ELOVL6: variants seen among roughly 807,000 people sequenced by gnomAD.
ELOVL6 encodes very long chain fatty acid elongase 6.
In ELOVL6, 8 loss-of-function variants were observed where a neutral mutation model predicts 31.7. The observed-to-expected ratio is 0.25, with a 90% CI of 0.15 to 0.45. The LOEUF is 0.45. ELOVL6 is among the 20% of genes least tolerant of loss of function. The pLI, the probability that ELOVL6 is intolerant of heterozygous loss-of-function variation, is 1.00. For synonymous variants in ELOVL6, 101 were observed against 117.7 expected (o/e 0.86, Z 0.92); for missense variants, 126 against 326.4 (o/e 0.39, Z 4.73).
intron 2 of ELOVL6, among the ~76,000 whole-genome samples, chr4:110,081,342 A>G (rs1002347441): frequency 2.0e-5 from 3 of 152,188 alleles, no homozygotes; most frequent in Non-Finnish European, 4.4e-5. Context: ...ACTTCAAACT[A>G]TACTACAAGG....
At chr4:110,084,584 ATATATTTTTTT>A (rs1359756269) in intron 2 of ELOVL6, among the ~76,000 whole-genome samples, 11 of 54,884 alleles carry the variant, frequency 2.0e-4, no homozygotes, top group African/African-American at 1.4e-3. Flanking sequence ...ATATATATAT[ATATATTTTTTT>A]TTTTTTTTTT....
intron 3 of ELOVL6, among the ~76,000 whole-genome samples, chr4:110,057,230 G>C (rs2126221115): frequency 6.6e-6 from 1 of 152,120 alleles, no homozygotes; most frequent in South Asian, 2.1e-4. Flanking sequence ...AAACACTGAG[G>C]CTGCTTTTTT....
chr4:110,158,657 A>ATATATATATATATATATAT, intron 1 of ELOVL6, among the ~76,000 whole-genome samples: 5 of 74,160 alleles, frequency 6.7e-5, no homozygotes, highest in East Asian at 3.1e-4. Context: ...ATATATATAT[A>ATATATATATATATATATAT]TTTTTTTTTT....
At chr4:110,071,659 C>T (rs760054584) in intron 2 of ELOVL6, among the ~76,000 whole-genome samples, 10 of 152,096 alleles carry the variant, frequency 6.6e-5, no homozygotes, top group Non-Finnish European at 1.2e-4. Flanking sequence ...TTTCCTCCAC[C>T]GCTCCCTCCC....
intron 1 of ELOVL6, among the ~76,000 whole-genome samples, chr4:110,112,238 T>C (rs1439842406): frequency 3.3e-5 from 5 of 152,240 alleles, no homozygotes; most frequent in Non-Finnish European, 7.3e-5. Context: ...AAAAGTTGAA[T>C]TCCTGATCTC....
intron 2 of ELOVL6, among the ~76,000 whole-genome samples, chr4:110,084,197 T>C (rs1756072523): frequency 9.9e-6 from 1 of 100,826 alleles, no homozygotes; most frequent in African/African-American, 4.3e-5. Context: ...ATATAACTTA[T>C]ATGATATATA....
In ELOVL6 at chr4:110,137,949, TG is replaced by T. The variant is rs1428507634; in HGVS notation, c.90-32322del. Among the ~76,000 whole-genome samples, 4 of 152,232 alleles carry T rather than the reference TG, an allele frequency of 2.6e-5. No individual in the cohort carries two copies. In the East Asian group the frequency reaches 5.8e-4, roughly 22 times the overall value. ...TATTGCCTTTTACAGACAAGAAAAC[TG>T]GGGCTCAAAAAAGGACTTGCTTATA... is the stretch of plus-strand genomic sequence containing the variant. On this transcript the variant is annotated intron_variant, in intron 1 of 3. Transcript: ENST00000302274.
intron 1 of ELOVL6, among the ~76,000 whole-genome samples, chr4:110,112,518 G>A (rs1757063737): frequency 6.6e-6 from 1 of 152,170 alleles, no homozygotes. Flanking sequence ...AATCAGTTTT[G>A]AAGTTAGAAC....
chr4:110,198,138 CCGCGATTCATCGCTCCATTCA>C, intron 1 of ELOVL6, 88 bp downstream of exon 1: 2 of 610,862 alleles, frequency 3.3e-6, no homozygotes, highest in Non-Finnish European at 6.1e-6. Flanking sequence ...AGCTGGCTGC[CCGCGATTCATCGCTCCATTCA>C]CGCCCAGGCA....
At chr4:110,104,561 G>A (rs1034023674) in intron 2 of ELOVL6, among the ~76,000 whole-genome samples, 1 of 152,080 alleles carries the variant, frequency 6.6e-6, no homozygotes, top group Non-Finnish European at 1.5e-5. Context: ...ATCCATTTCT[G>A]CTTAGAACAG....
chr4:110,081,595 AGAT>A (rs1755853739), intron 2 of ELOVL6, among the ~76,000 whole-genome samples: 1 of 151,382 alleles, frequency 6.6e-6, no homozygotes, highest in Admixed American at 6.6e-5. Flanking sequence ...AATTAATTCA[AGAT>A]GGATTAAAGA....
At position 110,137,790 on chromosome 4, in the gene ELOVL6, G is replaced by A. The variant is rs527560948; in HGVS notation, c.90-32162C>T. ...TTTTAGAAATAACACAATTGGCTAC[G>A]GAACTCCAGCCATCTAGCTTCATGG... On this transcript the variant is annotated intron_variant, in intron 1 of 3. Coordinates refer to ENST00000302274, the MANE Select transcript of ELOVL6 (RefSeq NM_024090.3). Among the ~76,000 whole-genome samples, 66 of 152,228 alleles carry A rather than the reference G, an allele frequency of 4.3e-4. 1 individual carries two copies. The South Asian group carries it at 9.8e-3, about 22-fold the overall frequency.
intron 2 of ELOVL6, among the ~76,000 whole-genome samples, chr4:110,083,059 T>C (rs1326213778): frequency 6.6e-6 from 1 of 151,746 alleles, no homozygotes; most frequent in Non-Finnish European, 1.5e-5. Flanking sequence ...GTTGTTTCTC[T>C]CTGGGTTTAT....
At chr4:110,056,886 G>A (rs563190484) in intron 3 of ELOVL6, among the ~76,000 whole-genome samples, 1 of 152,246 alleles carries the variant, frequency 6.6e-6, no homozygotes, top group South Asian at 2.1e-4. Context: ...TGAGGGGAAT[G>A]GACATTTGGG....
intron 1 of ELOVL6, among the ~76,000 whole-genome samples, chr4:110,110,236 T>A (rs781073063): frequency 6.6e-6 from 1 of 152,100 alleles, no homozygotes; most frequent in East Asian, 1.9e-4. Context: ...TTAATGTATG[T>A]CTATGGTGGT....
At chr4:110,106,549 G>C (rs902759681) in intron 1 of ELOVL6, among the ~76,000 whole-genome samples, 54 of 152,240 alleles carry the variant, frequency 3.5e-4, no homozygotes, top group Non-Finnish European at 6.6e-4. Context: ...GGTGTTGGTG[G>C]GAGTGTCTTT....
In ELOVL6 at chr4:110,141,760, A is replaced by ATTGTG. The variant is rs755678036; in HGVS notation, c.90-36133_90-36132insCACAA. ...ATTGTATTTATATATATAGTATTGT[A>ATTGTG]TTAGTATATATATACAGTATATATG... On this transcript the variant is annotated intron_variant, in intron 1 of 3. Coordinates refer to ENST00000302274, the MANE Select transcript of ELOVL6 (RefSeq NM_024090.3). Among the ~76,000 whole-genome samples the ATTGTG allele has an allele frequency of 2.2e-3, 324 of 146,500 alleles. 1 individual carries two copies. The highest frequency in any genetic ancestry group is 4.0e-3 in the Non-Finnish European group (270 of 67,064).
chr4:110,152,858 T>G (rs1465403061), intron 1 of ELOVL6, among the ~76,000 whole-genome samples: 1 of 152,246 alleles, frequency 6.6e-6, no homozygotes, highest in Non-Finnish European at 1.5e-5. Flanking sequence ...TGCACTGTCC[T>G]AGAAACCTTA....
At chr4:110,102,672 A>G in intron 2 of ELOVL6, among the ~76,000 whole-genome samples, 1 of 152,118 alleles carries the variant, frequency 6.6e-6, no homozygotes, top group Admixed American at 6.5e-5. Context: ...AAAAAAAAAA[A>G]GTAAAGATGA....
Sources: gnomAD v4.1 joint callset for allele counts (sites outside exome capture counted in the v4.1 genomes callset) on GRCh38, gnomAD v4.1.1 for gene constraint, MANE v1.5 for transcripts, NCBI Gene and HGNC (gene_info 2026-07-23, HGNC 2026-07-21) for gene names.